SDHAF4: variants seen among roughly 807,000 people sequenced by gnomAD.
The protein encoded by SDHAF4 is succinate dehydrogenase complex assembly factor 4, also known as succinate dehydrogenase assembly factor 4, mitochondrial.
A neutral mutation model predicts 14.3 loss-of-function variants in SDHAF4; 14 were observed. That is an observed-to-expected ratio of 0.98 (90% CI 0.65 to 1.53). SDHAF4 has a LOEUF of 1.53. SDHAF4 is among the 40% of genes most tolerant of loss of function. The pLI is 0.00. For synonymous variants in SDHAF4, 63 were observed against 47.3 expected, an observed-to-expected ratio of 1.33 and a Z score of -1.36; for missense variants, 141 against 129.3, an observed-to-expected ratio of 1.09 and a Z score of -0.44.
At chr6:70,580,109 G>A (rs770258389) in intron 2 of SDHAF4, among the ~76,000 whole-genome samples, 1 of 152,010 alleles carries the variant, frequency 6.6e-6, no homozygotes, top group Admixed American at 6.6e-5. Context: ...GTGTGTGTGT[G>A]TAGAACTCCA....
intron 1 of SDHAF4, among the ~76,000 whole-genome samples, chr6:70,569,560 T>A (rs894365126): frequency 1.3e-5 from 2 of 152,240 alleles, no homozygotes; most frequent in Non-Finnish European, 2.9e-5. Flanking sequence ...CTTAACAGAT[T>A]GCTTCTTATT....
At chr6:70,570,674 G>A (rs920873185) in intron 1 of SDHAF4, among the ~76,000 whole-genome samples, 5 of 150,136 alleles carry the variant, frequency 3.3e-5, no homozygotes, top group African/African-American at 1.2e-4. Context: ...GACTAGAAGT[G>A]TTGACAGCAA....
chr6:70,580,963 A>G (rs1802314091), intron 2 of SDHAF4, among the ~76,000 whole-genome samples: 1 of 151,582 alleles, frequency 6.6e-6, no homozygotes, highest in African/African-American at 2.4e-5. Context: ...ATGGAGTCTC[A>G]CTCTTTCACC....
At chr6:70,592,605 C>G (rs1431895652), downstream of SDHAF4, among the ~76,000 whole-genome samples, 3 of 152,152 alleles carry the variant, frequency 2.0e-5, no homozygotes, top group Admixed American at 2.0e-4. Flanking sequence ...GAATGCTGAA[C>G]TTAAGAATGA....
chr6:70,591,956 G>A (rs1385143223), downstream of SDHAF4, among the ~76,000 whole-genome samples: 1 of 152,300 alleles, frequency 6.6e-6, no homozygotes, highest in African/African-American at 2.4e-5. Flanking sequence ...TGGAAGTGGA[G>A]CTGGTGCTTT....
At chr6:70,579,881 T>G (rs1359514389) in intron 2 of SDHAF4, among the ~76,000 whole-genome samples, 6 of 152,020 alleles carry the variant, frequency 3.9e-5, no homozygotes, top group African/African-American at 1.2e-4. Context: ...CAAAGAAGGT[T>G]ATGTTATTTG....
In SDHAF4 at chr6:70,588,653, G is replaced by T; in HGVS notation, c.256G>T (p.Gly86Cys). The T allele has an allele frequency of 6.2e-7, 1 of 1,600,940 alleles. No individual in the cohort carries two copies. Among genetic ancestry groups the T allele is most frequent in the Non-Finnish European group, 8.5e-7 (1 of 1,171,418 alleles). Residue 86 changes from glycine (G) to cysteine (C), a missense_variant, in exon 3 of 3, where the codon GGT becomes TGT. Transcript: ENST00000370474. ...DDVNPVTKEK[G>C]GPRGPEPTRY... ...TGTTAATCCAGTGACCAAAGAAAAA[G>T]GTGGACCCAGGGGCCCAGAACCTAC... is the stretch of plus-strand genomic sequence containing the variant.
chr6:70,593,944 C>T (rs527661980), downstream of SDHAF4, among the ~76,000 whole-genome samples: 14 of 152,322 alleles, frequency 9.2e-5, no homozygotes, highest in African/African-American at 3.1e-4. Flanking sequence ...ATCCTCCCAC[C>T]TCAGCCTCCC....
chr6:70,594,095 G>A (rs6925112), downstream of SDHAF4, among the ~76,000 whole-genome samples: 62,702 of 152,036 alleles, frequency 0.41, 13,682 homozygotes, highest in African/African-American at 0.54. Flanking sequence ...ATGGAAATGT[G>A]TATCCTATGC....
At chr6:70,567,476 C>T (rs1802112544) in intron 1 of SDHAF4, 1 of 155,276 alleles carries the variant, frequency 6.4e-6, no homozygotes, top group African/African-American at 2.4e-5. Context: ...TACAGTTTAT[C>T]TTTTAAAAAT....
At chr6:70,569,387 G>C (rs894279705) in intron 1 of SDHAF4, among the ~76,000 whole-genome samples, 1 of 152,032 alleles carries the variant, frequency 6.6e-6, no homozygotes, top group Non-Finnish European at 1.5e-5. Context: ...TCCTGCCTCA[G>C]CCTCCCAAGT....
rs973380540 is a variant in SDHAF4, at chr6:70,570,998, A to G, written c.64+3994A>G. Among the ~76,000 whole-genome samples the G allele has an allele frequency of 6.6e-5, 10 of 152,268 alleles. 1 individual carries two copies. Among genetic ancestry groups the G allele is most frequent in the Admixed American group, 6.5e-4 (10 of 15,296 alleles). ...CAGAGTCCAAGCCTTTGTGAAATAA[A>G]ATTTCATGGAACATGAAAAAAAAAA... On this transcript the variant is annotated intron_variant, in intron 1 of 2. Transcript: ENST00000370474.
chr6:70,588,787 T>A lies in SDHAF4; in HGVS notation c.*63T>A. ...ATGTACATCTGAATTAACTTATTTC[T>A]GATTATTTTCTTTCTTTATATCCTT... is the stretch of plus-strand genomic sequence containing the variant. On this transcript the variant is annotated 3_prime_UTR_variant, in exon 3 of 3. Coordinates refer to ENST00000370474, the MANE Select transcript of SDHAF4 (RefSeq NM_145267.3). 1 of 931,566 alleles carries A rather than the reference T, an allele frequency of 1.1e-6. No homozygotes were observed. Among genetic ancestry groups the A allele is most frequent in the Non-Finnish European group, 1.7e-6 (1 of 596,910 alleles). The allele number at this position is 931,566 out of a possible 1,614,324, so 57.7% of individuals were successfully genotyped here.
At chr6:70,582,864 A>G (rs572658060) in intron 2 of SDHAF4, among the ~76,000 whole-genome samples, 3 of 152,254 alleles carry the variant, frequency 2.0e-5, no homozygotes, top group Non-Finnish European at 2.9e-5. Flanking sequence ...TGCCTCTAGT[A>G]TGTACTTTAT....
At chr6:70,572,901 A>G (rs1802203077) in intron 1 of SDHAF4, among the ~76,000 whole-genome samples, 1 of 152,200 alleles carries the variant, frequency 6.6e-6, no homozygotes, top group African/African-American at 2.4e-5. Context: ...TTTGATAAAC[A>G]TAAAGACTTT....
At chr6:70,581,561 T>C (rs944441360) in intron 2 of SDHAF4, among the ~76,000 whole-genome samples, 11 of 152,176 alleles carry the variant, frequency 7.2e-5, no homozygotes, top group African/African-American at 2.7e-4. Context: ...CCATTATGCT[T>C]TCATTAGTTT....
chr6:70,570,298 A>C (rs1352661120), intron 1 of SDHAF4, among the ~76,000 whole-genome samples: 1 of 152,326 alleles, frequency 6.6e-6, no homozygotes, highest in Non-Finnish European at 1.5e-5. Context: ...TATCATCTGC[A>C]AATGGTGACA....
At chr6:70,585,881 T>C (rs544982227) in intron 2 of SDHAF4, among the ~76,000 whole-genome samples, 27 of 152,300 alleles carry the variant, frequency 1.8e-4, no homozygotes, top group African/African-American at 5.1e-4. Flanking sequence ...TAAAGAGATA[T>C]AGTTTGGGTA....
At chr6:70,574,779 T>C (rs1311464059) in intron 1 of SDHAF4, among the ~76,000 whole-genome samples, 1 of 151,928 alleles carries the variant, frequency 6.6e-6, no homozygotes, top group Non-Finnish European at 1.5e-5. Context: ...AAAAATAAAA[T>C]TAGCTGGGCA....
Sources: allele counts gnomAD v4.1 joint callset (sites outside exome capture counted in the v4.1 genomes callset), GRCh38; gene constraint gnomAD v4.1.1; transcripts MANE v1.5; gene names NCBI Gene and HGNC (gene_info 2026-07-23, HGNC 2026-07-21).